NECAB1: variants seen among roughly 807,000 people sequenced by gnomAD.
NECAB1 encodes N-terminal EF-hand calcium binding protein 1.
A neutral mutation model predicts 57.5 loss-of-function variants in NECAB1; 29 were observed. That is an observed-to-expected ratio of 0.50 (90% confidence interval 0.38 to 0.69). The LOEUF is 0.69. NECAB1 is among the 30% of genes least tolerant of loss of function. The probability of loss-of-function intolerance (pLI) is 0.00; values close to 1 mark genes in which losing one functional copy is unlikely to be tolerated. For synonymous variants in NECAB1, 142 were observed against 147.7 expected (o/e 0.96, Z 0.28); for missense variants, 372 against 413.8 (o/e 0.90, Z 0.88).
chr8:90,864,450 A>G (rs1229391360), intron 3 of NECAB1, among the ~76,000 whole-genome samples: 2 of 152,110 alleles, frequency 1.3e-5, no homozygotes, highest in African/African-American at 4.8e-5. Context: ...TGTATGTCCC[A>G]TGTGAGGGAA....
In NECAB1 at chr8:90,959,017, CT is replaced by C. The variant is rs1811084012; in HGVS notation, c.*3508del. ...TCTGTTCTTAAAATGCTACTTAAAA[CT>C]TTGGTTGTTTTCCTGTAATATAAAA... On this transcript the variant is annotated 3_prime_UTR_variant, in exon 13 of 13. Coordinates refer to ENST00000417640, the MANE Select transcript of NECAB1 (RefSeq NM_022351.5). 3 of 1,406,316 alleles carry C rather than the reference CT, an allele frequency of 2.1e-6. No homozygotes were observed. In the South Asian group the frequency reaches 4.1e-5, roughly 19 times the overall value. 87.1% of individuals were successfully genotyped at this position (1,406,316 alleles called of 1,614,324 possible). A position where few individuals can be genotyped will look rare whatever the true frequency, so the allele number is the denominator to read the frequency against.
intron 3 of NECAB1, among the ~76,000 whole-genome samples, chr8:90,834,949 C>T (rs1002380899): frequency 6.6e-6 from 1 of 151,258 alleles, no homozygotes; most frequent in African/African-American, 2.4e-5. Flanking sequence ...TAATCATATA[C>T]ACATCTATAT....
intron 12 of NECAB1, among the ~76,000 whole-genome samples, chr8:90,954,635 T>C (rs1170163424): frequency 1.3e-5 from 2 of 152,054 alleles, no homozygotes; most frequent in Non-Finnish European, 2.9e-5. Flanking sequence ...GTTTTCAGGA[T>C]ATCTATATTC....
At chr8:90,879,733 A>C (rs908750723) in intron 4 of NECAB1, among the ~76,000 whole-genome samples, 1 of 152,298 alleles carries the variant, frequency 6.6e-6, no homozygotes, top group African/African-American at 2.4e-5. Flanking sequence ...ATATTTGTCA[A>C]CCTTATCAAA....
intron 3 of NECAB1, among the ~76,000 whole-genome samples, chr8:90,871,926 AT>A (rs1372855940): frequency 1.3e-5 from 2 of 152,192 alleles, no homozygotes; most frequent in Non-Finnish European, 2.9e-5. Context: ...CTCAGGAATT[AT>A]TTGTCCGAAG....
chr8:90,939,355 C>A (rs1810614920), intron 9 of NECAB1, among the ~76,000 whole-genome samples: 1 of 152,120 alleles, frequency 6.6e-6, no homozygotes, highest in Admixed American at 6.5e-5. Context: ...TTGGCCAGAG[C>A]AGGTTAGAAA....
At chr8:90,827,975 A>G (rs553165290) in intron 3 of NECAB1, among the ~76,000 whole-genome samples, 1 of 152,086 alleles carries the variant, frequency 6.6e-6, no homozygotes, top group South Asian at 2.1e-4. Context: ...ACAAAAATAT[A>G]TTGCCCTCTT....
chr8:90,906,876 C>CT (rs1809667102), intron 5 of NECAB1, among the ~76,000 whole-genome samples: 1 of 121,764 alleles, frequency 8.2e-6, no homozygotes, highest in Non-Finnish European at 1.7e-5. Flanking sequence ...ATGATATACA[C>CT]ATATATATAT....
rs1810649662 is a variant in NECAB1 at position 90,940,788 on chromosome 8, C to A, written c.750C>A (p.His250Gln). 6.4e-7 allele frequency: 1 copy of A among 1,557,708 alleles called. No individual in the cohort carries two copies. Among genetic ancestry groups the A allele is most frequent in the Non-Finnish European group, 8.7e-7 (1 of 1,150,228 alleles). The change falls in exon 10 of 13, where the codon CAC (histidine) becomes CAA (glutamine). Residue 250 changes from histidine to glutamine, a missense_variant and splice_region_variant. By Grantham distance (24) the His-to-Gln change is conservative. Coordinates refer to ENST00000417640, the MANE Select transcript of NECAB1 (RefSeq NM_022351.5). ...EEIIEGNTKS[H>Q]IMLVQRQMSV... ...GACCCTCGCCCCTTCCTTGGCAGCA[C>A]ATCATGCTTGTGCAGCGGCAGATGT...
intron 3 of NECAB1, among the ~76,000 whole-genome samples, chr8:90,835,320 G>T (rs1563500274): frequency 6.6e-6 from 1 of 152,062 alleles, no homozygotes; most frequent in Non-Finnish European, 1.5e-5. Flanking sequence ...GCATAGTAAA[G>T]TTTTCCAGGC....
chr8:90,826,551 C>G (rs1189383623), intron 3 of NECAB1, among the ~76,000 whole-genome samples: 1 of 151,774 alleles, frequency 6.6e-6, no homozygotes, highest in Non-Finnish European at 1.5e-5. Context: ...AGGTGTTGGA[C>G]GTTGAGATGC....
At chr8:90,832,974 C>A (rs1428328680) in intron 3 of NECAB1, among the ~76,000 whole-genome samples, 1 of 152,046 alleles carries the variant, frequency 6.6e-6, no homozygotes, top group African/African-American at 2.4e-5. Flanking sequence ...ATGGTTAATT[C>A]TCTCTAACAG....
At chr8:90,953,010 C>A (rs1810951441) in intron 12 of NECAB1, among the ~76,000 whole-genome samples, 1 of 152,112 alleles carries the variant, frequency 6.6e-6, no homozygotes, top group African/African-American at 2.4e-5. Context: ...ACTTTGGCAT[C>A]ATCATAAATA....
In NECAB1 at chr8:90,957,693, AAAAG is replaced by A. The variant is rs1293829302; in HGVS notation, c.*2185_*2188del. ...AGGGCCAAAAAAAAAAAGAAAAAGA[AAAAG>A]AAAAAAGAAAAAAAAAGAAAAAACT... On this transcript the variant is annotated 3_prime_UTR_variant, in exon 13 of 13. Transcript: ENST00000417640. 6.7e-6 allele frequency: 1 copy of A among 150,268 alleles called. No individual in the cohort carries two copies. The highest frequency in any genetic ancestry group is 1.5e-5 in the Non-Finnish European group (1 of 67,354). 9.3% of individuals were successfully genotyped at this position (150,268 alleles called of 1,614,324 possible).
intron 3 of NECAB1, among the ~76,000 whole-genome samples, chr8:90,849,686 A>ATTTTTTTTTTT (rs34779201): frequency 4.8e-5 from 4 of 84,110 alleles, no homozygotes; most frequent in African/African-American, 8.2e-5. Flanking sequence ...GTTTCCAGTA[A>ATTTTTTTTTTT]TTTTTTTTTT....
chr8:90,843,421 C>T (rs1250801558), intron 3 of NECAB1, among the ~76,000 whole-genome samples: 1 of 152,176 alleles, frequency 6.6e-6, no homozygotes, highest in African/African-American at 2.4e-5. Flanking sequence ...TCTTTTTATG[C>T]TTTCTCCTTC....
At chr8:90,821,346 G>A (rs1286501295) in intron 2 of NECAB1, among the ~76,000 whole-genome samples, 6 of 151,884 alleles carry the variant, frequency 4.0e-5, no homozygotes, top group Non-Finnish European at 8.8e-5. Context: ...TCCAAAATAT[G>A]ACTGTGGCTC....
At chr8:90,805,169 G>A (rs59416504) in intron 2 of NECAB1, among the ~76,000 whole-genome samples, 17,571 of 152,162 alleles carry the variant, frequency 0.12, 1,604 homozygotes, top group African/African-American at 0.26. Flanking sequence ...TAATGTAAAT[G>A]AGAAGATAAA....
At chr8:90,916,292 A>T (rs1341045937) in intron 5 of NECAB1, among the ~76,000 whole-genome samples, 2 of 152,214 alleles carry the variant, frequency 1.3e-5, no homozygotes, top group Non-Finnish European at 2.9e-5. Context: ...CTATATCAGG[A>T]GGCCATAGTC....
Sources: gnomAD v4.1 joint callset for allele counts (sites outside exome capture counted in the v4.1 genomes callset) on GRCh38, gnomAD v4.1.1 for gene constraint, MANE v1.5 for transcripts, NCBI Gene and HGNC (gene_info 2026-07-23, HGNC 2026-07-21) for gene names.